The following CLVS1 variants were observed in gnomAD, a reference collection of about 807,000 sequenced individuals.
CLVS1 encodes the protein clavesin 1.
CLVS1 carries 10 observed loss-of-function variants against 33.1 expected under a neutral mutation model. The ratio of observed to expected loss-of-function variants is 0.30; its 90% CI spans 0.19 to 0.51. The LOEUF (loss-of-function observed/expected upper bound fraction) is 0.51. Ranked by LOEUF, CLVS1 falls within the 20% of genes least tolerant of loss-of-function variation. CLVS1 has a pLI of 0.97. For missense variants in CLVS1, 343 were observed against 433.4 expected, an observed-to-expected ratio of 0.79 and a Z score of 1.85; for synonymous variants, 163 against 166.1, an observed-to-expected ratio of 0.98 and a Z score of 0.14.
chr8:61,314,975 C>G (rs904115361), intron 2 of CLVS1, among the ~76,000 whole-genome samples: 13 of 152,154 alleles, frequency 8.5e-5, no homozygotes, highest in Non-Finnish European at 1.5e-5. Flanking sequence ...TATAACATCT[C>G]ATCGGTATGC....
the CLVS1 span, among the ~76,000 whole-genome samples, chr8:60,998,752 T>A: frequency 2.0e-5 from 3 of 152,162 alleles, no homozygotes; most frequent in African/African-American, 7.2e-5. Flanking sequence ...TGTATTTGTA[T>A]TTGTATTTTT....
chr8:61,474,278 A>G (rs1365402340), intron 5 of CLVS1, among the ~76,000 whole-genome samples: 1 of 152,194 alleles, frequency 6.6e-6, no homozygotes, highest in Non-Finnish European at 1.5e-5. Context: ...GAAGCCAAGT[A>G]AGGTGAAGAT....
chr8:61,458,280 G>A (rs1817238811), intron 4 of CLVS1, 27 bp from the exon 5 acceptor site: 1 of 1,536,172 alleles, frequency 6.5e-7, no homozygotes, highest in Non-Finnish European at 9.0e-7. Context: ...ATTTTGTATT[G>A]CTAATTACTT....
intron 3 of CLVS1, among the ~76,000 whole-genome samples, chr8:61,423,265 T>G (rs1264682216): frequency 6.6e-6 from 1 of 152,214 alleles, no homozygotes; most frequent in African/African-American, 2.4e-5. Context: ...CTGATATTCA[T>G]ATGAAGTTCC....
In CLVS1 at chr8:61,498,105, C is replaced by T. The variant is rs1462728643; in HGVS notation, c.978-1350C>T. 2.6e-5 allele frequency among the ~76,000 whole-genome samples: 4 copies of T among 152,192 alleles called. No homozygotes were observed. The East Asian group carries it at 7.7e-4, about 29-fold the overall frequency. On this transcript the variant is annotated intron_variant, in intron 5 of 5. Coordinates refer to ENST00000325897, the MANE Select transcript of CLVS1 (RefSeq NM_173519.3). Reference sequence around the variant, plus strand: ...TTAACCTTCTGGGAATGCATCTCAGCAGGCTTTAGCCTTATTTTACCCAGC... The same window carrying T: ...TTAACCTTCTGGGAATGCATCTCAGTAGGCTTTAGCCTTATTTTACCCAGC...
chr8:61,152,354 T>G (rs1166281689), intron 2 of CLVS1, among the ~76,000 whole-genome samples: 1 of 152,154 alleles, frequency 6.6e-6, no homozygotes, highest in Non-Finnish European at 1.5e-5. Context: ...CCTAACTACC[T>G]CCTGTCTCAG....
chr8:61,353,560 C>T (rs984833021), intron 2 of CLVS1, among the ~76,000 whole-genome samples: 17 of 151,318 alleles, frequency 1.1e-4, no homozygotes, highest in African/African-American at 2.4e-4. Flanking sequence ...AAAATGAAAA[C>T]GCAGCATATC....
chr8:61,026,085 C>G, the CLVS1 span, among the ~76,000 whole-genome samples: 1 of 151,374 alleles, frequency 6.6e-6, no homozygotes, highest in African/African-American at 2.4e-5. Context: ...CCCAGTACCT[C>G]AGAATGAGAC....
intron 2 of CLVS1, among the ~76,000 whole-genome samples, chr8:61,137,053 A>G (rs1478523531): frequency 2.0e-5 from 3 of 152,214 alleles, no homozygotes; most frequent in African/African-American, 7.2e-5. Flanking sequence ...TCTATATAAA[A>G]TGGAAAATGA....
the CLVS1 span, among the ~76,000 whole-genome samples, chr8:61,000,901 C>T: frequency 4.1e-3 from 630 of 152,216 alleles, 8 homozygotes; most frequent in African/African-American, 0.015. Flanking sequence ...ACTTCTGAAC[C>T]ATATTTGGGG....
chr8:61,054,145 G>A (rs987701607), upstream of CLVS1, among the ~76,000 whole-genome samples: 7 of 152,146 alleles, frequency 4.6e-5, no homozygotes, highest in South Asian at 1.0e-3. Context: ...GAAACCTTAC[G>A]GAGCAACCCC....
intron 2 of CLVS1, among the ~76,000 whole-genome samples, chr8:61,304,340 G>A (rs188793196): frequency 2.0e-5 from 3 of 152,244 alleles, no homozygotes; most frequent in East Asian, 1.9e-4. Context: ...CATGGCAACC[G>A]AGGCATAGGC....
intron 2 of CLVS1, among the ~76,000 whole-genome samples, chr8:61,184,222 A>C (rs572730540): frequency 6.6e-6 from 1 of 152,236 alleles, no homozygotes. Context: ...TCTTCCTCGC[A>C]TGGAGAGCGG....
intron 5 of CLVS1, among the ~76,000 whole-genome samples, chr8:61,459,114 C>T (rs891120812): frequency 6.6e-6 from 1 of 151,882 alleles, no homozygotes; most frequent in Non-Finnish European, 1.5e-5. Flanking sequence ...GCAATCCAAG[C>T]AGAGTGGACA....
At chr8:61,329,743 G>T (rs148706510) in intron 2 of CLVS1, among the ~76,000 whole-genome samples, 8 of 152,246 alleles carry the variant, frequency 5.3e-5, no homozygotes, top group African/African-American at 1.9e-4. Context: ...TTATAGTTGA[G>T]TCACATTAAA....
chr8:61,412,251 C>T (rs907475262), intron 3 of CLVS1, among the ~76,000 whole-genome samples: 23 of 152,038 alleles, frequency 1.5e-4, no homozygotes, highest in Non-Finnish European at 3.4e-4. Context: ...CTAATAAAAA[C>T]GTTAAATGTT....
chr8:61,180,789 C>A (rs1019133116), intron 2 of CLVS1, among the ~76,000 whole-genome samples: 2 of 152,132 alleles, frequency 1.3e-5, no homozygotes, highest in Non-Finnish European at 2.9e-5. Context: ...AATTCAACAT[C>A]GCTTCATATT....
chr8:61,208,456 G>A (rs1807902794), intron 2 of CLVS1, among the ~76,000 whole-genome samples: 1 of 152,160 alleles, frequency 6.6e-6, no homozygotes, highest in Non-Finnish European at 1.5e-5. Context: ...AAATTGCAAA[G>A]CTGAGGTAGA....
At chr8:61,213,867 TTTCTC>T (rs1347522672) in intron 2 of CLVS1, among the ~76,000 whole-genome samples, 1 of 152,186 alleles carries the variant, frequency 6.6e-6, no homozygotes, top group East Asian at 1.9e-4. Context: ...CAGAGCCATA[TTTCTC>T]TTCTTTCAAA....
Sources: allele counts gnomAD v4.1 joint callset (sites outside exome capture counted in the v4.1 genomes callset), GRCh38; gene constraint gnomAD v4.1.1; transcripts MANE v1.5; gene names NCBI Gene and HGNC (gene_info 2026-07-23, HGNC 2026-07-21).